Variants in LRMDA observed in about 807,000 individuals in gnomAD.
LRMDA encodes leucine rich melanocyte differentiation associated, also known as leucine-rich melanocyte differentiation-associated protein.
Under a neutral mutation model 29.8 loss-of-function variants are expected in LRMDA, and 18 were observed. The observed-to-expected ratio is 0.60, with a 90% CI of 0.42 to 0.90. The LOEUF (loss-of-function observed/expected upper bound fraction) is 0.90, where lower values mean the gene tolerates loss of function less well. Ranked by LOEUF, LRMDA falls within the 40% of genes least tolerant of loss-of-function variation. The probability of loss-of-function intolerance (pLI) is 0.00; values close to 1 mark genes in which losing one functional copy is unlikely to be tolerated. For missense variants in LRMDA, 273 were observed against 273.9 expected, an observed-to-expected ratio of 1.00 and a Z score of 0.02; for synonymous variants, 125 against 109.4, an observed-to-expected ratio of 1.14 and a Z score of -0.89.
intron 2 of LRMDA, among the ~76,000 whole-genome samples, chr10:75,664,975 G>A (rs1320489886): frequency 6.6e-6 from 1 of 152,214 alleles, no homozygotes; most frequent in Admixed American, 6.5e-5. Flanking sequence ...ATCTCCAGAT[G>A]TGGAAATTGA....
At chr10:76,414,292 C>T (rs1269496854) in intron 6 of LRMDA, among the ~76,000 whole-genome samples, 3 of 152,126 alleles carry the variant, frequency 2.0e-5, no homozygotes, top group Admixed American at 2.0e-4. Flanking sequence ...AAATTACATA[C>T]AAACTCTATT....
At chr10:76,021,624 CAT>C (rs1847975480) in intron 2 of LRMDA, among the ~76,000 whole-genome samples, 1 of 152,186 alleles carries the variant, frequency 6.6e-6, no homozygotes, top group African/African-American at 2.4e-5. Context: ...GACCTAATGA[CAT>C]GTGAGAATAT....
At chr10:75,812,108 A>ATTTTTT (rs67846089) in intron 2 of LRMDA, among the ~76,000 whole-genome samples, 6 of 46,284 alleles carry the variant, frequency 1.3e-4, no homozygotes, top group African/African-American at 3.6e-4. Context: ...TTTAATTGTG[A>ATTTTTT]TTTTTTTTTT....
intron 2 of LRMDA, among the ~76,000 whole-genome samples, chr10:75,510,824 G>C (rs1042302794): frequency 6.6e-6 from 1 of 152,162 alleles, no homozygotes; most frequent in African/African-American, 2.4e-5. Flanking sequence ...GGCTGGCCTA[G>C]TCCCTGAGGC....
At chr10:76,466,565 GTA>G in intron 6 of LRMDA, among the ~76,000 whole-genome samples, 1 of 152,170 alleles carries the variant, frequency 6.6e-6, no homozygotes. Flanking sequence ...AGAGGCTGAC[GTA>G]GGTGGATTGT....
intron 6 of LRMDA, among the ~76,000 whole-genome samples, chr10:76,396,956 A>G (rs1346246404): frequency 1.3e-5 from 2 of 152,084 alleles, no homozygotes; most frequent in Non-Finnish European, 2.9e-5. Flanking sequence ...CACGCCACGC[A>G]ACTCTACTCA....
chr10:75,806,879 T>C (rs2132267279), intron 2 of LRMDA, among the ~76,000 whole-genome samples: 1 of 151,840 alleles, frequency 6.6e-6, no homozygotes, highest in Middle Eastern at 3.4e-3. Flanking sequence ...CAGTTCTTCC[T>C]ATTCTATGTC....
intron 2 of LRMDA, among the ~76,000 whole-genome samples, chr10:76,016,685 A>G (rs1250981863): frequency 6.6e-6 from 1 of 152,234 alleles, no homozygotes; most frequent in Non-Finnish European, 1.5e-5. Flanking sequence ...AGATGGATTC[A>G]AGTGTGAACT....
intron 5 of LRMDA, among the ~76,000 whole-genome samples, chr10:76,060,584 T>TC (rs1848688382): frequency 6.6e-6 from 1 of 152,196 alleles, no homozygotes; most frequent in African/African-American, 2.4e-5. Context: ...CACTCTTCTC[T>TC]CTCTGCTTTC....
At chr10:75,723,908 G>A (rs528392545) in intron 2 of LRMDA, among the ~76,000 whole-genome samples, 15 of 152,216 alleles carry the variant, frequency 9.9e-5, no homozygotes, top group East Asian at 1.9e-4. Context: ...GTGTAATGCC[G>A]TAGTAAAAAT....
chr10:76,552,011 G>A (rs1426887506), intron 6 of LRMDA, among the ~76,000 whole-genome samples: 1 of 152,178 alleles, frequency 6.6e-6, no homozygotes, highest in Non-Finnish European at 1.5e-5. Context: ...ATGGGATCAA[G>A]ATATGTTTGT....
intron 5 of LRMDA, among the ~76,000 whole-genome samples, chr10:76,290,060 T>C (rs576299309): frequency 6.6e-6 from 1 of 152,332 alleles, no homozygotes; most frequent in South Asian, 2.1e-4. Context: ...ATTAACTGTG[T>C]GCCTAGGTCC....
intron 2 of LRMDA, among the ~76,000 whole-genome samples, chr10:75,577,261 G>A (rs1043838444): frequency 1.8e-4 from 28 of 152,066 alleles, no homozygotes; most frequent in East Asian, 5.8e-4. Flanking sequence ...ATCAATAGCC[G>A]AATCAATCAA....
intron 6 of LRMDA, among the ~76,000 whole-genome samples, chr10:76,503,104 A>G (rs1484222889): frequency 6.6e-6 from 1 of 151,934 alleles, no homozygotes; most frequent in Non-Finnish European, 1.5e-5. Flanking sequence ...TTTATCATGA[A>G]GGGATGTTGG....
intron 5 of LRMDA, among the ~76,000 whole-genome samples, chr10:76,076,392 C>T (rs1385298002): frequency 6.6e-6 from 1 of 151,118 alleles, no homozygotes; most frequent in Non-Finnish European, 1.5e-5. Context: ...TGTATCTCCT[C>T]CTCTCTCTTT....
At chr10:75,705,157 C>G (rs1246368613) in intron 2 of LRMDA, among the ~76,000 whole-genome samples, 1 of 152,178 alleles carries the variant, frequency 6.6e-6, no homozygotes, top group African/African-American at 2.4e-5. Flanking sequence ...TTCTCTTTTC[C>G]TTGCTTTCAT....
At chr10:75,536,567 T>C (rs1227522471) in intron 2 of LRMDA, among the ~76,000 whole-genome samples, 1 of 152,168 alleles carries the variant, frequency 6.6e-6, no homozygotes, top group East Asian at 1.9e-4. Flanking sequence ...TATTCTTTTA[T>C]TGTAGCATTT....
At chr10:76,452,699 T>C (rs1842418528) in intron 6 of LRMDA, among the ~76,000 whole-genome samples, 2 of 152,318 alleles carry the variant, frequency 1.3e-5, no homozygotes, top group South Asian at 4.1e-4. Context: ...TAAAGTGTTA[T>C]TGGAAGGCCC....
At chr10:76,452,285 C>T (rs1458698385) in intron 6 of LRMDA, among the ~76,000 whole-genome samples, 1 of 152,126 alleles carries the variant, frequency 6.6e-6, no homozygotes, top group Non-Finnish European at 1.5e-5. Flanking sequence ...GTCAGGGCCT[C>T]AAGGTCCATC....
Sources: allele counts gnomAD v4.1 joint callset (sites outside exome capture counted in the v4.1 genomes callset), GRCh38; gene constraint gnomAD v4.1.1; transcripts MANE v1.5; gene names NCBI Gene and HGNC (gene_info 2026-07-23, HGNC 2026-07-21).